Variants in SYNPR observed in about 807,000 individuals in gnomAD.
The protein encoded by SYNPR is synaptoporin.
Under a neutral mutation model 32.9 loss-of-function variants are expected in SYNPR, and 23 were observed. The ratio of observed to expected loss-of-function variants is 0.70; its 90% CI spans 0.50 to 0.99. The LOEUF (loss-of-function observed/expected upper bound fraction) is 0.99. Among genes scored for constraint, SYNPR ranks in the 50% least tolerant of loss-of-function variants. The pLI, the probability that SYNPR is intolerant of heterozygous loss-of-function variation, is 0.00. For missense variants in SYNPR, 318 were observed against 349.3 expected, an observed-to-expected ratio of 0.91 and a Z score of 0.71; for synonymous variants, 146 against 135.9, an observed-to-expected ratio of 1.07 and a Z score of -0.52.
At chr3:63,377,891 A>C (rs2087915548) in intron 2 of SYNPR, among the ~76,000 whole-genome samples, 1 of 152,018 alleles carries the variant, frequency 6.6e-6, no homozygotes, top group South Asian at 2.1e-4. Flanking sequence ...AGGACATTAA[A>C]CATTAAATAT....
chr3:63,569,528 T>G (rs1212322042), intron 4 of SYNPR, among the ~76,000 whole-genome samples: 1 of 152,230 alleles, frequency 6.6e-6, no homozygotes, highest in Non-Finnish European at 1.5e-5. Flanking sequence ...AGCCTGACAT[T>G]AAAACATTTG....
At chr3:63,435,494 GCAGTCATGTTC>G (rs770531529) in intron 2 of SYNPR, among the ~76,000 whole-genome samples, 3 of 152,156 alleles carry the variant, frequency 2.0e-5, no homozygotes, top group Non-Finnish European at 4.4e-5. Context: ...TTGTTCAAAT[GCAGTCATGTTC>G]AGAAACCTGG....
intron 2 of SYNPR, among the ~76,000 whole-genome samples, chr3:63,258,132 A>C (rs2106897032): frequency 6.6e-6 from 1 of 152,296 alleles, no homozygotes; most frequent in South Asian, 2.1e-4. Flanking sequence ...GGAGACTTTA[A>C]CACCCCACTG....
chr3:63,299,522 GATTCTCAAGAGAGAGAA>G lies in SYNPR; in HGVS notation c.84+20782_84+20798del, dbSNP rs1488611091. Reference sequence around the variant, plus strand: ...GCCCAGTGCTGTTTCTCTTGACTCAGATTCTCAAGAGAGAGAAAATGGCTACCTCAGCCTCACCTATC... The same window carrying G: ...GCCCAGTGCTGTTTCTCTTGACTCAGAATGGCTACCTCAGCCTCACCTATC... On this transcript the variant is annotated intron_variant, in intron 2 of 5. Coordinates refer to ENST00000478300, the MANE Select transcript of SYNPR (RefSeq NM_001130003.2). Among the ~76,000 whole-genome samples the G allele has an allele frequency of 2.6e-5, 4 of 152,048 alleles. No individual in the cohort carries two copies. In the East Asian group the frequency reaches 5.8e-4, roughly 22 times the overall value.
At chr3:63,306,931 C>T (rs928694739) in intron 2 of SYNPR, among the ~76,000 whole-genome samples, 9 of 151,844 alleles carry the variant, frequency 5.9e-5, no homozygotes, top group Admixed American at 2.6e-4. Flanking sequence ...TTACATTCTC[C>T]TTGGTAAAGA....
At chr3:63,397,812 G>A (rs1269489525) in intron 2 of SYNPR, among the ~76,000 whole-genome samples, 1 of 152,088 alleles carries the variant, frequency 6.6e-6, no homozygotes, top group Non-Finnish European at 1.5e-5. Context: ...CAAAAAATAC[G>A]ATAATGGCTC....
At chr3:63,351,345 T>C (rs2087506931) in intron 2 of SYNPR, 1 of 152,226 alleles carries the variant, frequency 6.6e-6, no homozygotes, top group Non-Finnish European at 1.5e-5. Context: ...GTTGCAATAC[T>C]GCATACTTCC....
intron 1 of SYNPR, among the ~76,000 whole-genome samples, chr3:63,228,900 T>C (rs908756287): frequency 6.6e-5 from 10 of 151,850 alleles, no homozygotes; most frequent in African/African-American, 2.4e-4. Context: ...ATGGCCGCCA[T>C]CTTGAAATGA....
At chr3:63,218,652 T>A in the SYNPR span, among the ~76,000 whole-genome samples, 1 of 152,202 alleles carries the variant, frequency 6.6e-6, no homozygotes, top group Non-Finnish European at 1.5e-5. Flanking sequence ...GACTTCGTGA[T>A]CCGTCCCGCC....
intron 3 of SYNPR, among the ~76,000 whole-genome samples, chr3:63,535,482 G>T (rs1012493788): frequency 6.6e-6 from 1 of 152,034 alleles, no homozygotes; most frequent in Non-Finnish European, 1.5e-5. Context: ...GTGTCTATTT[G>T]CTCTGGAACA....
At chr3:63,318,319 G>A (rs537893297) in intron 2 of SYNPR, among the ~76,000 whole-genome samples, 21 of 152,100 alleles carry the variant, frequency 1.4e-4, no homozygotes, top group African/African-American at 4.6e-4. Context: ...GGCCAGGGAA[G>A]TTTTCCTCAA....
At chr3:63,372,187 A>G (rs1024045763) in intron 2 of SYNPR, among the ~76,000 whole-genome samples, 1 of 151,674 alleles carries the variant, frequency 6.6e-6, no homozygotes, top group Non-Finnish European at 1.5e-5. Context: ...ACAAAAACAC[A>G]TAAAAACAAA....
At chr3:63,341,033 C>G (rs2087363433) in intron 2 of SYNPR, among the ~76,000 whole-genome samples, 1 of 152,176 alleles carries the variant, frequency 6.6e-6, no homozygotes, top group South Asian at 2.1e-4. Flanking sequence ...TCTATCTAGT[C>G]ATCTCTCTCT....
chr3:63,495,913 T>C (rs1218191968), intron 3 of SYNPR, among the ~76,000 whole-genome samples: 1 of 151,766 alleles, frequency 6.6e-6, no homozygotes, highest in Admixed American at 6.6e-5. Context: ...GCCCACAGAA[T>C]GTACAGCATC....
At chr3:63,397,831 A>T (rs1332339872) in intron 2 of SYNPR, among the ~76,000 whole-genome samples, 1 of 152,250 alleles carries the variant, frequency 6.6e-6, no homozygotes, top group African/African-American at 2.4e-5. Context: ...TCATAAAAGC[A>T]TTCAAGAGAC....
chr3:63,301,150 A>G (rs575540161), intron 2 of SYNPR, among the ~76,000 whole-genome samples: 2 of 152,212 alleles, frequency 1.3e-5, no homozygotes, highest in South Asian at 4.1e-4. Context: ...AAATGAGAAT[A>G]CTAATCTTTC....
intron 4 of SYNPR, among the ~76,000 whole-genome samples, chr3:63,565,740 G>T (rs984811287): frequency 6.6e-6 from 1 of 152,114 alleles, no homozygotes; most frequent in Non-Finnish European, 1.5e-5. Flanking sequence ...CATCTTGGAG[G>T]TTACCTGTCC....
At chr3:63,539,359 G>C (rs933356807) in intron 3 of SYNPR, among the ~76,000 whole-genome samples, 5 of 152,026 alleles carry the variant, frequency 3.3e-5, no homozygotes, top group Admixed American at 6.6e-5. Context: ...AGGAAGTTCA[G>C]GCTTTTATGC....
chr3:63,610,512 A>G, intron 5 of SYNPR: 1 of 700,628 alleles, frequency 1.4e-6, no homozygotes, highest in Non-Finnish European at 2.6e-6. Context: ...TTAAGAAGAG[A>G]GAAAGGGTTG....
Sources: allele counts gnomAD v4.1 joint callset (sites outside exome capture counted in the v4.1 genomes callset), GRCh38; gene constraint gnomAD v4.1.1; transcripts MANE v1.5; gene names NCBI Gene and HGNC (gene_info 2026-07-23, HGNC 2026-07-21).